Variants in GAS7 observed in about 807,000 individuals in gnomAD.
The protein encoded by GAS7 is growth arrest specific 7, also known as growth arrest-specific protein 7.
Under a neutral mutation model 71.1 loss-of-function variants are expected in GAS7, and 28 were observed. That is an observed-to-expected ratio of 0.39 (90% confidence interval 0.29 to 0.54). The LOEUF is 0.54. Ranked by LOEUF, GAS7 falls within the 20% of genes least tolerant of loss-of-function variation. The pLI is 0.62. For synonymous variants in GAS7, 258 were observed against 245.8 expected (o/e 1.05, Z -0.46); for missense variants, 436 against 627.8 (o/e 0.69, Z 3.27).
chr17:9,948,840 G>C (rs1489496383), intron 5 of GAS7, among the ~76,000 whole-genome samples: 1 of 152,226 alleles, frequency 6.6e-6, no homozygotes, highest in Non-Finnish European at 1.5e-5. Flanking sequence ...TCAGGCCCCA[G>C]ATTCCCACCT....
chr17:9,937,254 T>C (rs1467648368), intron 8 of GAS7, among the ~76,000 whole-genome samples: 2 of 152,222 alleles, frequency 1.3e-5, no homozygotes, highest in African/African-American at 4.8e-5. Context: ...GGCATGTGTG[T>C]ACAGTATGGT....
intron 1 of GAS7, among the ~76,000 whole-genome samples, chr17:10,047,941 T>C (rs918046052): frequency 3.3e-5 from 5 of 152,216 alleles, no homozygotes; most frequent in African/African-American, 1.2e-4. Context: ...TTAAACTTAA[T>C]AACCAATTGC....
chr17:10,112,633 G>A (rs1445845953), intron 1 of GAS7, among the ~76,000 whole-genome samples: 1 of 152,082 alleles, frequency 6.6e-6, no homozygotes, highest in Non-Finnish European at 1.5e-5. Context: ...TACTCAGGAG[G>A]CTGAATTCAG....
chr17:9,929,665 G>A (rs1019313774), intron 9 of GAS7, among the ~76,000 whole-genome samples: 1 of 151,740 alleles, frequency 6.6e-6, no homozygotes, highest in Non-Finnish European at 1.5e-5. Flanking sequence ...TTTTAGTAGA[G>A]ACGGGGTTTC....
rs1054493146 is a variant in GAS7 at position 10,058,264 on chromosome 17, AAAAACAAAAAC to A, written c.184-38378_184-38368del. ...ATCAATAAATACTAAAAACAAAAAC[AAAAACAAAAAC>A]AAAACAAAACAAAGCAAACAAAAAA... On this transcript the variant is annotated intron_variant, in intron 1 of 13. Transcript: ENST00000432992. 7.7e-5 allele frequency among the ~76,000 whole-genome samples: 11 copies of A among 142,920 alleles called. No individual in the cohort carries two copies. In the Middle Eastern group the frequency reaches 0.01, roughly 133 times the overall value. 93.8% of individuals were successfully genotyped at this position (142,920 alleles called of 152,430 possible).
rs1281644140 is a variant in GAS7 at position 9,912,475 on chromosome 17, G to T, written c.*4753C>A. ...CTTCTTGTCCATGCTGCTTCTGCTC[G>T]CCTTTCAAAGCCTCCAACGCCCAAT... On this transcript the variant is annotated 3_prime_UTR_variant, in exon 14 of 14. Coordinates refer to ENST00000432992, the MANE Select transcript of GAS7 (RefSeq NM_201433.2). 4.3e-6 allele frequency: 1 copy of T among 232,890 alleles called. No individual in the cohort carries two copies. The highest frequency in any genetic ancestry group is 8.5e-6 in the Non-Finnish European group (1 of 117,832). 14.4% of individuals were successfully genotyped at this position (232,890 alleles called of 1,614,324 possible).
At chr17:10,155,407 C>T (rs189167141) in intron 1 of GAS7, among the ~76,000 whole-genome samples, 3 of 152,286 alleles carry the variant, frequency 2.0e-5, no homozygotes, top group Admixed American at 2.0e-4. Context: ...CTTCTGATAG[C>T]CATGTTTTCA....
intron 1 of GAS7, among the ~76,000 whole-genome samples, chr17:10,144,939 GC>G (rs775473075): frequency 6.6e-5 from 10 of 152,218 alleles, no homozygotes; most frequent in Non-Finnish European, 1.0e-4. Context: ...AATAGTTCCT[GC>G]CCGTCTCTGA....
chr17:10,021,835 C>T (rs1010358454), intron 1 of GAS7, among the ~76,000 whole-genome samples: 6 of 152,080 alleles, frequency 3.9e-5, no homozygotes, highest in Admixed American at 2.0e-4. Context: ...TGCATGTGTG[C>T]GTGTGTGTGC....
intron 1 of GAS7, among the ~76,000 whole-genome samples, chr17:10,176,305 T>C (rs1268332706): frequency 1.3e-5 from 2 of 151,978 alleles, no homozygotes; most frequent in African/African-American, 4.8e-5. Flanking sequence ...AGGTGAGGGG[T>C]TAGACCAAGC....
intron 1 of GAS7, among the ~76,000 whole-genome samples, chr17:10,047,558 C>T (rs1355355463): frequency 6.6e-6 from 1 of 152,088 alleles, no homozygotes; most frequent in South Asian, 2.1e-4. Flanking sequence ...GAAACACCAT[C>T]CTGAAAGCAC....
At chr17:10,147,487 G>T (rs1169729976) in intron 1 of GAS7, among the ~76,000 whole-genome samples, 1 of 152,148 alleles carries the variant, frequency 6.6e-6, no homozygotes, top group Non-Finnish European at 1.5e-5. Flanking sequence ...TCTGTAAACG[G>T]TTTTTGAGCC....
At chr17:10,164,522 G>C (rs2074278714) in intron 1 of GAS7, among the ~76,000 whole-genome samples, 1 of 151,772 alleles carries the variant, frequency 6.6e-6, no homozygotes, top group Non-Finnish European at 1.5e-5. Context: ...AACTAGCCAG[G>C]TGTGGTGGTG....
At chr17:10,028,828 T>C (rs1410703749) in intron 1 of GAS7, among the ~76,000 whole-genome samples, 1 of 152,176 alleles carries the variant, frequency 6.6e-6, no homozygotes, top group Admixed American at 6.5e-5. Context: ...GAATTCGTTA[T>C]GTACAGAACA....
In GAS7 at chr17:9,981,936, C is replaced by T. The variant is rs371682176; in HGVS notation, c.305-52G>A. On this transcript the variant is annotated intron_variant, in intron 2 of 13. Transcript: ENST00000432992. This position sits in a 1 kb window ranked among gnomAD's most constrained non-coding sequence, Gnocchi z 4.4. ...ACTTTGAGAATGTCACAGGGCAGAACCTGAGTTTCACAGAGCAGAAGGAGA... is the reference window on the plus strand; with the variant it reads ...ACTTTGAGAATGTCACAGGGCAGAATCTGAGTTTCACAGAGCAGAAGGAGA... The T allele has an allele frequency of 9.0e-6, 9 of 1,002,486 alleles. No individual in the cohort carries two copies. The highest frequency in any genetic ancestry group is 7.9e-5 in the African/African-American group (5 of 63,426). 62.1% of individuals were successfully genotyped at this position (1,002,486 alleles called of 1,614,324 possible).
At chr17:10,143,191 A>G (rs2074096546) in intron 1 of GAS7, among the ~76,000 whole-genome samples, 1 of 151,658 alleles carries the variant, frequency 6.6e-6, no homozygotes, top group Non-Finnish European at 1.5e-5. Flanking sequence ...CAGAAAAGAC[A>G]AAAAAAATCT....
In GAS7 at chr17:9,912,701, G is replaced by A. The variant is rs1036502589; in HGVS notation, c.*4527C>T. On this transcript the variant is annotated 3_prime_UTR_variant, in exon 14 of 14. Transcript: ENST00000432992. ...AAGGCGAGTGTGAGCCCTAAGAACA[G>A]CTTGTGGGCACAGCTGGCATTTGGA... 8.6e-6 allele frequency: 2 copies of A among 232,754 alleles called. No homozygotes were observed. Among genetic ancestry groups the A allele is most frequent in the Non-Finnish European group, 1.7e-5 (2 of 117,808 alleles). 14.4% of individuals were successfully genotyped at this position (232,754 alleles called of 1,614,324 possible).
chr17:10,093,071 CTG>C (rs2073600939), intron 1 of GAS7, among the ~76,000 whole-genome samples: 1 of 152,224 alleles, frequency 6.6e-6, no homozygotes, highest in Non-Finnish European at 1.5e-5. Flanking sequence ...TACTCGCTAA[CTG>C]TGCTGCTGCT....
At chr17:10,138,761 C>T (rs552117161) in intron 1 of GAS7, among the ~76,000 whole-genome samples, 3 of 151,454 alleles carry the variant, frequency 2.0e-5, no homozygotes, top group Middle Eastern at 3.4e-3. Context: ...AGAGAGACTC[C>T]GTCTCAAAAA....
Sources: gnomAD v4.1 joint callset for allele counts (sites outside exome capture counted in the v4.1 genomes callset) on GRCh38, gnomAD v4.1.1 for gene constraint, Gnocchi (gnomAD v3.1) non-coding constraint, MANE v1.5 for transcripts, NCBI Gene and HGNC (gene_info 2026-07-23, HGNC 2026-07-21) for gene names.